The following APC variants were observed in gnomAD, a reference collection of about 807,000 sequenced individuals.
APC encodes the protein APC regulator of Wnt signaling pathway, also known as adenomatous polyposis coli protein.
In APC, 72 loss-of-function variants were observed where a neutral mutation model predicts 247.0. The observed-to-expected ratio is 0.29, with a 90% CI of 0.24 to 0.35. The LOEUF (loss-of-function observed/expected upper bound fraction) is 0.35. APC is among the 10% of genes least tolerant of loss of function. APC has a pLI of 1.00. For missense variants in APC, 3,400 were observed against 3,360.7 expected (o/e 1.01, Z -0.29); for synonymous variants, 1,254 against 1,162.5 (o/e 1.08, Z -1.60).
intron 1 of APC, among the ~76,000 whole-genome samples, chr5:112,722,443 C>T (rs1346415102): frequency 6.6e-6 from 1 of 152,130 alleles, no homozygotes; most frequent in African/African-American, 2.4e-5. Flanking sequence ...GGGCTTTTTC[C>T]CCACACACCA....
In APC at chr5:112,829,050, A is replaced by G. The variant is rs62364023; in HGVS notation, c.1743+78A>G. 25,644 of 964,480 alleles carry G rather than the reference A, an allele frequency of 0.027. 443 individuals carry two copies. Among genetic ancestry groups the G allele is most frequent in the Non-Finnish European group, 0.032 (19,033 of 592,412 alleles). 59.7% of individuals were successfully genotyped at this position (964,480 alleles called of 1,614,324 possible). On this transcript the variant is annotated intron_variant, in intron 14 of 15. Coordinates refer to ENST00000257430, the MANE Select transcript of APC (RefSeq NM_000038.6). The stretch of plus-strand genomic sequence containing the variant: ...TTTGCTGCCTTCTTTTAGCCATGAG[A>G]TTTCCTAATTTCTTACCTGTGTATT...
chr5:112,735,392 G>A (rs1034472124), upstream of APC, among the ~76,000 whole-genome samples: 27 of 151,846 alleles, frequency 1.8e-4, no homozygotes, highest in African/African-American at 6.5e-4. Flanking sequence ...TGCCCATGCT[G>A]GTCTCCAACT....
At chr5:112,835,980 C>G (rs2149848251) in intron 15 of APC, among the ~76,000 whole-genome samples, 1 of 146,336 alleles carries the variant, frequency 6.8e-6, no homozygotes, top group East Asian at 2.0e-4. Flanking sequence ...AACTCGGATG[C>G]TGTATTATAT....
At chr5:112,764,920 C>T (rs1022771001) in intron 2 of APC, among the ~76,000 whole-genome samples, 3 of 152,160 alleles carry the variant, frequency 2.0e-5, no homozygotes, top group African/African-American at 7.2e-5. Flanking sequence ...GAAGTTATCA[C>T]TGAGCAAATT....
chr5:112,812,477 C>G (rs1235284136), intron 8 of APC, among the ~76,000 whole-genome samples: 2 of 152,168 alleles, frequency 1.3e-5, no homozygotes, highest in African/African-American at 2.4e-5. Flanking sequence ...TCTGCCTCCC[C>G]TTCCTCTCCA....
intron 1 of APC, among the ~76,000 whole-genome samples, chr5:112,729,026 T>C (rs766446993): frequency 2.6e-5 from 4 of 152,230 alleles, no homozygotes; most frequent in Non-Finnish European, 4.4e-5. Context: ...TCTTTTTTGA[T>C]TACCTAGCTG....
At chr5:112,808,982 T>C (rs920984090) in intron 8 of APC, among the ~76,000 whole-genome samples, 1 of 151,868 alleles carries the variant, frequency 6.6e-6, no homozygotes, top group Non-Finnish European at 1.5e-5. Context: ...AGAAGGAGGT[T>C]TGTGAGAGAA....
rs1554086778 is a variant in APC, at chr5:112,841,093, A to G, written c.5499A>G (p.Arg1833=). The G allele has an allele frequency of 6.2e-7, 1 of 1,612,836 alleles. No homozygotes were observed. Among genetic ancestry groups the G allele is most frequent in the Non-Finnish European group, 8.5e-7 (1 of 1,178,846 alleles). ...ATAAGCTCCCAAATAATGAAGATAGAGTCAGAGGAAGTTTTGCTTTTGATT... is the reference window on the plus strand; with the variant it reads ...ATAAGCTCCCAAATAATGAAGATAGGGTCAGAGGAAGTTTTGCTTTTGATT... ...FNDKLPNNED[R]VRGSFAFDSP... is the part of the protein sequence containing the mutation. The change falls in exon 16 of 16, where the codon AGA becomes AGG. Residue 1833 remains arginine (R), a synonymous_variant. Transcript: ENST00000257430. This position sits in a 1 kb window ranked among gnomAD's most constrained non-coding sequence, Gnocchi z 4.6.
chr5:112,719,722 A>G (rs370002647), intron 1 of APC, among the ~76,000 whole-genome samples: 2 of 151,186 alleles, frequency 1.3e-5, no homozygotes, highest in African/African-American at 4.9e-5. Flanking sequence ...TTTAGTAGAG[A>G]TGGAGTTTCA....
At position 112,754,904 on chromosome 5, in the gene APC, C is replaced by T. The variant is rs373718658; in HGVS notation, c.14C>T (p.Ser5Leu). 12 of 1,613,608 alleles carry T rather than the reference C, an allele frequency of 7.4e-6. No homozygotes were observed. The highest frequency in any genetic ancestry group is 8.5e-6 in the Non-Finnish European group (10 of 1,179,776). The change falls in exon 2 of 16, where the codon TCA becomes TTA. Residue 5 changes from serine to leucine, a missense_variant. Around this residue, in one of 9 missense-constraint regions of APC, gnomAD observed 372 missense variants for 367.6 expected, o/e 1.01. Coordinates refer to ENST00000257430, the MANE Select transcript of APC (RefSeq NM_000038.6). Reference sequence around the variant, plus strand: ...GGGTAGCCAAGGATGGCTGCAGCTTCATATGATCAGTTGTTAAAGCAAGTT... The same window carrying T: ...GGGTAGCCAAGGATGGCTGCAGCTTTATATGATCAGTTGTTAAAGCAAGTT... MAAA[S>L]YDQLLKQVEA...
chr5:112,748,823 A>G lies in APC; in HGVS notation c.-18-6050A>G, dbSNP rs1225662841. 4.0e-5 allele frequency among the ~76,000 whole-genome samples: 6 copies of G among 150,758 alleles called. No individual in the cohort carries two copies. The East Asian group carries it at 1.2e-3, about 29-fold the overall frequency. ...GCAAGACTCCATCTATTTAAAAAAC[A>G]AAAAAAAGAATGAGGTTTACAAAAT... On this transcript the variant is annotated intron_variant, in intron 1 of 15. Transcript: ENST00000257430.
At position 112,827,994 on chromosome 5, in the gene APC, A is replaced by G. The variant is rs772204077; in HGVS notation, c.1614A>G (p.Glu538=). ...TGGCCCAACTAAAATCTGAAAGTGA[A>G]GACTTACAGCAGGTACTATTTAGAA... The part of the protein sequence containing the change: ...ALVAQLKSES[E]DLQQVIASVL... The change falls in exon 13 of 16, where the codon GAA becomes GAG. Residue 538 remains glutamate (E), a synonymous_variant. Coordinates refer to ENST00000257430, the MANE Select transcript of APC (RefSeq NM_000038.6). 4.3e-6 allele frequency: 7 copies of G among 1,611,768 alleles called. No homozygotes were observed. The highest frequency in any genetic ancestry group is 5.9e-6 in the Non-Finnish European group (7 of 1,179,114).
chr5:112,708,375 G>T (rs1454452313), intron 1 of APC, among the ~76,000 whole-genome samples: 1 of 152,220 alleles, frequency 6.6e-6, no homozygotes, highest in Non-Finnish European at 1.5e-5. Flanking sequence ...AGGAGCCTTG[G>T]ATGGTTAGGT....
chr5:112,749,479 A>ATTTTTT (rs536428390), intron 1 of APC, among the ~76,000 whole-genome samples: 224 of 103,954 alleles, frequency 2.2e-3, no homozygotes, highest in Middle Eastern at 0.012. Flanking sequence ...TACTGCTCCA[A>ATTTTTT]TTTTTTTTTT....
intron 1 of APC, among the ~76,000 whole-genome samples, chr5:112,748,687 C>G (rs1753948958): frequency 6.6e-6 from 1 of 152,032 alleles, no homozygotes; most frequent in South Asian, 2.1e-4. Flanking sequence ...CAGGTAAAAC[C>G]CCATCTCTGT....
Position 112,841,797 on chromosome 5 carries a change from T to G in APC, c.6203T>G (p.Met2068Arg). ...AATGAAAAACATAGTCCCAGAAATA[T>G]GGGTGGCATATTAGGTGAAGATCTG... Reference protein sequence around the residue: ...GDNEKHSPRNMGGILGEDLTL... With the variant: ...GDNEKHSPRNRGGILGEDLTL... The change falls in exon 16 of 16, where the codon ATG becomes AGG. Residue 2068 changes from methionine to arginine, a missense_variant. Physicochemically the swap from Met to Arg is moderately conservative, Grantham distance 91. This residue lies in a region of APC where 1,788 missense variants were observed against 1,649.5 expected (regional missense o/e 1.08). Coordinates refer to ENST00000257430, the MANE Select transcript of APC (RefSeq NM_000038.6). This position sits in a 1 kb window ranked among gnomAD's most constrained non-coding sequence, Gnocchi z 4.6. 1 of 1,614,028 alleles carries G rather than the reference T, an allele frequency of 6.2e-7. No homozygotes were observed. Among genetic ancestry groups the G allele is most frequent in the Non-Finnish European group, 8.5e-7 (1 of 1,179,946 alleles).
Position 112,840,859 on chromosome 5 carries a change from G to C in APC, c.5265G>C (p.Ala1755=), listed in dbSNP as rs34506289. 1 of 1,614,060 alleles carries C rather than the reference G, an allele frequency of 6.2e-7. No individual in the cohort carries two copies. The highest frequency in any genetic ancestry group is 1.1e-5 in the South Asian group (1 of 91,082). The part of the protein sequence containing the change: ...KIMDQVQQAS[A]SSSAPNKNQL... ...TGGACCAGGTCCAGCAAGCATCTGC[G>C]TCTTCTTCTGCACCCAACAAAAATC... The change falls in exon 16 of 16, where the codon GCG becomes GCC. Residue 1755 remains alanine, a synonymous_variant. Coordinates refer to ENST00000257430, the MANE Select transcript of APC (RefSeq NM_000038.6). This position sits in a 1 kb window ranked among gnomAD's most constrained non-coding sequence, Gnocchi z 4.1.
At chr5:112,801,583 A>G (rs373319822) in intron 8 of APC, among the ~76,000 whole-genome samples, 200 bp downstream of exon 8, 3 of 152,034 alleles carry the variant, frequency 2.0e-5, no homozygotes, top group Non-Finnish European at 2.9e-5. Context: ...TTCTAGATCT[A>G]TTTCTATAGC....
intron 1 of APC, among the ~76,000 whole-genome samples, chr5:112,747,564 T>A (rs534793571): frequency 6.6e-6 from 1 of 152,318 alleles, no homozygotes; most frequent in African/African-American, 2.4e-5. Flanking sequence ...TAAAATTTCT[T>A]ATTCAAGCTA....
Sources: gnomAD v4.1 joint callset for allele counts (sites outside exome capture counted in the v4.1 genomes callset) on GRCh38, gnomAD v4.1.1 for gene constraint, gnomAD v4.1.1 regional missense constraint, Gnocchi (gnomAD v3.1) non-coding constraint, MANE v1.5 for transcripts, NCBI Gene and HGNC (gene_info 2026-07-23, HGNC 2026-07-21) for gene names.